CEP95: variants seen among roughly 807,000 people sequenced by gnomAD.
The protein encoded by CEP95 is centrosomal protein of 95 kDa.
CEP95 carries 98 observed loss-of-function variants against 111.2 expected under a neutral mutation model. That is an observed-to-expected ratio of 0.88 (90% CI 0.75 to 1.04). The LOEUF is 1.04. Among genes scored for constraint, CEP95 ranks in the 50% least tolerant of loss-of-function variants. CEP95 has a pLI of 0.00. For missense variants in CEP95, 1,027 were observed against 977.2 expected (o/e 1.05, Z -0.68); for synonymous variants, 323 against 327.1 (o/e 0.99, Z 0.14).
chr17:64,514,361 A>C lies in CEP95; in HGVS notation c.367+3A>C. On this transcript the variant is annotated splice_donor_region_variant and intron_variant, in intron 4 of 19. Coordinates refer to ENST00000556440, the MANE Select transcript of CEP95 (RefSeq NM_138363.3). ...CAGTGAAACATCTCATGAGAAAAGT[A>C]AGTTTAAGAATGGAAATTTGGTTTG... 1 of 1,379,370 alleles carries C rather than the reference A, an allele frequency of 7.2e-7. No individual in the cohort carries two copies. Among genetic ancestry groups the C allele is most frequent in the Non-Finnish European group, 1.0e-6 (1 of 991,810 alleles). 85.4% of individuals were successfully genotyped at this position (1,379,370 alleles called of 1,614,324 possible). A position where few individuals can be genotyped will look rare whatever the true frequency, so the allele number is the denominator to read the frequency against.
rs1555675878 is a variant in CEP95 at position 64,514,314 on chromosome 17, T to C, written c.323T>C (p.Leu108Ser). The C allele has an allele frequency of 6.6e-7, 1 of 1,521,918 alleles. No individual in the cohort carries two copies. The highest frequency in any genetic ancestry group is 2.5e-5 in the East Asian group (1 of 40,790). 94.3% of individuals were successfully genotyped at this position (1,521,918 alleles called of 1,614,324 possible). Residue 108 changes from leucine to serine, a missense_variant, in exon 4 of 20, where the codon TTG becomes TCG. Transcript: ENST00000556440. The part of the protein sequence containing the change: ...KNLLEIFDGL[L>S]EYLTERISET... ...CTCCTGGAAATATTTGATGGTTTGT[T>C]GGAGTATCTTACAGAACGCATCAGT...
chr17:64,519,705 G>T (rs1555677242), intron 6 of CEP95, among the ~76,000 whole-genome samples: 1 of 152,210 alleles, frequency 6.6e-6, no homozygotes, highest in Non-Finnish European at 1.5e-5. Flanking sequence ...TATGGATGCA[G>T]CTTATAGTCT....
At chr17:64,519,478 C>G in intron 6 of CEP95, 42 bp downstream of exon 6, 1 of 1,397,604 alleles carries the variant, frequency 7.2e-7, no homozygotes. Flanking sequence ...ATTCAACATA[C>G]AACTATAAAA....
intron 17 of CEP95, 183 bp from the exon 18 acceptor site, chr17:64,536,419 A>G: frequency 2.3e-6 from 1 of 433,770 alleles, no homozygotes. Flanking sequence ...ACTACACTCC[A>G]GCCTGGGTGA....
chr17:64,524,399 C>G (rs1464948352), intron 8 of CEP95, among the ~76,000 whole-genome samples: 1 of 152,118 alleles, frequency 6.6e-6, no homozygotes, highest in Non-Finnish European at 1.5e-5. Flanking sequence ...ACCTCCACCT[C>G]CCAGGCAAGT....
At position 64,526,059 on chromosome 17, in the gene CEP95, C is replaced by G. The variant is rs1175063627; in HGVS notation, c.1023-12C>G. ...TAGCTATTTTACTGTCAAATGGTCA[C>G]TTTTATTACAGAAATGAAAACAGAG... is the stretch of plus-strand genomic sequence containing the variant. On this transcript the variant is annotated splice_polypyrimidine_tract_variant and intron_variant, in intron 9 of 19. Transcript: ENST00000556440. 7 of 1,609,214 alleles carry G rather than the reference C, an allele frequency of 4.3e-6. No homozygotes were observed. The highest frequency in any genetic ancestry group is 5.9e-6 in the Non-Finnish European group (7 of 1,178,564).
At chr17:64,532,046 T>C (rs377243790) in intron 14 of CEP95, 24 bp downstream of exon 14, 6 of 1,523,734 alleles carry the variant, frequency 3.9e-6, no homozygotes, top group African/African-American at 1.4e-5. Context: ...AATTGTACTT[T>C]ATGGAAAACT....
At chr17:64,506,857 G>A, upstream of CEP95, 2 of 618,154 alleles carry the variant, frequency 3.2e-6, no homozygotes, top group Non-Finnish European at 5.8e-6. Flanking sequence ...TTGGTCGGCG[G>A]AGAATGGTCT....
At chr17:64,522,253 C>T (rs1967405955) in intron 7 of CEP95, among the ~76,000 whole-genome samples, 1 of 152,058 alleles carries the variant, frequency 6.6e-6, no homozygotes, top group Non-Finnish European at 1.5e-5. Flanking sequence ...GTGGACGAAC[C>T]ATAATTCACA....
intron 19 of CEP95, 92 bp downstream of exon 19, chr17:64,537,204 T>A: frequency 2.6e-6 from 4 of 1,545,146 alleles, no homozygotes; most frequent in Non-Finnish European, 3.5e-6. Context: ...AGCAATAGGC[T>A]GTATCATATA....
At chr17:64,523,562 A>G (rs953829867) in intron 8 of CEP95, among the ~76,000 whole-genome samples, 1 of 149,030 alleles carries the variant, frequency 6.7e-6, no homozygotes, top group Admixed American at 6.6e-5. Flanking sequence ...GTAAGACTTC[A>G]TCTCAAAAAA....
intron 14 of CEP95, chr17:64,532,380 A>T: frequency 1.0e-6 from 1 of 985,448 alleles, no homozygotes; most frequent in Non-Finnish European, 1.2e-6. Context: ...TCCACCTCCT[A>T]TATATTGACA....
intron 1 of CEP95, 142 bp downstream of exon 1, chr17:64,507,258 G>C: frequency 1.3e-6 from 2 of 1,505,612 alleles, no homozygotes; most frequent in Admixed American, 2.2e-5. Context: ...GGGTTCCCTG[G>C]ATAGGGTCTC....
rs569849035 is a variant in CEP95 at position 64,532,518 on chromosome 17, C to T, written c.1673-321C>T. The T allele has an allele frequency of 4.1e-6, 4 of 985,388 alleles. No individual in the cohort carries two copies. In the South Asian group the frequency reaches 1.9e-4, roughly 46 times the overall value. The allele number at this position is 985,388 out of a possible 1,614,324, so 61.0% of individuals were successfully genotyped here. A position where few individuals can be genotyped will look rare whatever the true frequency, so the allele number is the denominator to read the frequency against. ...GACCAGAAACTTTTTCTTCTAAGCACTTGCCTACCGGGAAGGTTGAGGAGT... is the reference window on the plus strand; with the variant it reads ...GACCAGAAACTTTTTCTTCTAAGCATTTGCCTACCGGGAAGGTTGAGGAGT... On this transcript the variant is annotated intron_variant, in intron 14 of 19. Coordinates refer to ENST00000556440, the MANE Select transcript of CEP95 (RefSeq NM_138363.3).
chr17:64,532,133 GT>G lies in CEP95; in HGVS notation c.1672+123del, dbSNP rs113205929. On this transcript the variant is annotated intron_variant, in intron 14 of 19. Transcript: ENST00000556440. ...AACATCCACCAGTTAGCCGAAGAAA[GT>G]TTTTTTTTTTTCCCAATCACTGCCA... The G allele has an allele frequency of 0.013, 14,324 of 1,128,772 alleles. 438 individuals carry two copies. The African/African-American group carries it at 0.13, about 11-fold the overall frequency. 69.9% of individuals were successfully genotyped at this position (1,128,772 alleles called of 1,614,324 possible). A position where few individuals can be genotyped will look rare whatever the true frequency, so the allele number is the denominator to read the frequency against.
intron 6 of CEP95, among the ~76,000 whole-genome samples, chr17:64,520,125 T>C (rs1967201161): frequency 6.6e-6 from 1 of 152,180 alleles, no homozygotes; most frequent in Admixed American, 6.5e-5. Context: ...AAAATGTTTC[T>C]TGAAGTAGGA....
intron 5 of CEP95, 103 bp downstream of exon 5, chr17:64,516,931 T>C (rs1966902221): frequency 3.2e-6 from 2 of 633,562 alleles, no homozygotes; most frequent in East Asian, 5.6e-5. Flanking sequence ...AAAAAGCTAA[T>C]GTGAAACTTC....
chr17:64,506,855 C>A (rs1206016224), upstream of CEP95: 5 of 615,170 alleles, frequency 8.1e-6, no homozygotes, highest in African/African-American at 3.7e-5. Context: ...TTTTGGTCGG[C>A]GGAGAATGGT....
Position 64,532,982 on chromosome 17 carries a change from C to T in CEP95, c.1816C>T (p.Arg606Ter), listed in dbSNP as rs782817185. Reference protein sequence around the residue: ...QLKKEACRENRSKKKLQDEIE... With the variant: ...QLKKEACREN ...TAAGAAAGAAGCATGTAGAGAAAAT[C>T]GATCAAAGAAGAAACTCCAAGATGA... Residue 606 changes from arginine (R) to a stop codon, truncating the protein, a stop_gained, in exon 15 of 20, where the codon CGA becomes TGA. Coordinates refer to ENST00000556440, the MANE Select transcript of CEP95 (RefSeq NM_138363.3). LOFTEE classifies it high-confidence loss of function. 7 of 1,611,726 alleles carry T rather than the reference C, an allele frequency of 4.3e-6. No homozygotes were observed. In the East Asian group the frequency reaches 6.7e-5, roughly 15 times the overall value.
Sources: allele counts gnomAD v4.1 joint callset (sites outside exome capture counted in the v4.1 genomes callset), GRCh38; gene constraint gnomAD v4.1.1; transcripts MANE v1.5; gene names NCBI Gene and HGNC (gene_info 2026-07-23, HGNC 2026-07-21).